Variants in TAB3 observed in about 807,000 individuals in gnomAD.
The protein encoded by TAB3 is TGF-beta-activated kinase 1 and MAP3K7-binding protein 3.
TAB3 carries 18 observed loss-of-function variants against 48.1 expected under a neutral mutation model. The ratio of observed to expected loss-of-function variants is 0.37; its 90% CI spans 0.26 to 0.55. The LOEUF (loss-of-function observed/expected upper bound fraction) is 0.55. Ranked by LOEUF, TAB3 falls within the 20% of genes least tolerant of loss-of-function variation. TAB3 has a pLI of 0.78. For synonymous variants in TAB3, 185 were observed against 190.2 expected (o/e 0.97, Z 0.22); for missense variants, 414 against 549.8 (o/e 0.75, Z 2.47).
At position 30,830,015 on chromosome X, in the gene TAB3, G is replaced by A. The variant is rs762423463; in HGVS notation, c.*1412C>T. The A allele has an allele frequency of 3.8e-4, 42 of 111,249 alleles. No homozygotes were observed. The highest frequency in any genetic ancestry group is 1.3e-3 in the African/African-American group (39 of 30,585). 9.2% of individuals were successfully genotyped at this position (111,249 alleles called of 1,213,427 possible). On this transcript the variant is annotated 3_prime_UTR_variant, in exon 11 of 11. Transcript: ENST00000288422. ...CAAAACTCCAATTCTGAGCTAAGAA[G>A]GAACTCCAACAATGGCAGAGACCTT...
chrX:30,887,341 C>T (rs922051689), intron 1 of TAB3, among the ~76,000 whole-genome samples: 4 of 111,736 alleles, frequency 3.6e-5, no homozygotes, highest in East Asian at 2.8e-4. Context: ...AATGTTACCT[C>T]TGGCTAGAAA....
intron 8 of TAB3, chrX:30,843,309 T>C (rs1045839126): frequency 1.0e-5 from 2 of 199,931 alleles, no homozygotes; most frequent in Admixed American, 7.5e-5. Flanking sequence ...GTAAGGCTAG[T>C]CTCCTTAGGC....
intron 5 of TAB3, among the ~76,000 whole-genome samples, chrX:30,856,794 A>G (rs1292164131): frequency 8.9e-6 from 1 of 111,772 alleles, no homozygotes; most frequent in Non-Finnish European, 1.9e-5. Flanking sequence ...CTCCAATTCA[A>G]CGCACATTTA....
At position 30,864,585 on chromosome X, in the gene TAB3, A is replaced by G. The variant is rs74426369; in HGVS notation, c.-91+2530T>C. On this transcript the variant is annotated intron_variant, in intron 4 of 10. Coordinates refer to ENST00000288422, the MANE Select transcript of TAB3 (RefSeq NM_152787.5). The stretch of plus-strand genomic sequence containing the variant: ...AATGCCACAATTCCCCACACTCTAG[A>G]AAATGATGTCGACATCTAGTGCTTT... Among the ~76,000 whole-genome samples the G allele has an allele frequency of 5.2e-4, 59 of 112,517 alleles. No individual in the cohort carries two copies. The East Asian group carries it at 0.013, about 25-fold the overall frequency.
chrX:30,873,387 C>T (rs1410578534), intron 1 of TAB3, among the ~76,000 whole-genome samples: 3 of 108,876 alleles, frequency 2.8e-5, no homozygotes, highest in African/African-American at 6.7e-5. Context: ...TAGCCGGGCG[C>T]AGTGGCGGGC....
chrX:30,887,080 T>C (rs1351691661), intron 1 of TAB3, among the ~76,000 whole-genome samples: 2 of 112,445 alleles, frequency 1.8e-5, no homozygotes, highest in African/African-American at 6.5e-5. Context: ...AGTACTCCAC[T>C]TGCTGGAGAA....
intron 7 of TAB3, among the ~76,000 whole-genome samples, chrX:30,850,218 T>C (rs1938787522): frequency 8.9e-6 from 1 of 111,819 alleles, no homozygotes; most frequent in South Asian, 3.8e-4. Flanking sequence ...GGCTTGGCAA[T>C]GGAAACACAT....
intron 8 of TAB3, 54 bp downstream of exon 8, chrX:30,846,497 C>T: frequency 1.1e-6 from 1 of 887,626 alleles, no homozygotes; most frequent in Non-Finnish European, 1.6e-6. Flanking sequence ...GCTATTTAAG[C>T]AGCTTAAAAT....
rs1939556792 is a variant in TAB3 at position 30,868,565 on chromosome X, GCTTATATATAT to G, written c.-279-1027_-279-1017del. On this transcript the variant is annotated intron_variant, in intron 2 of 10. Transcript: ENST00000288422. ...ATATATATATATATATATATATATA[GCTTATATATAT>G]ATATATATATAGAGAGAGAGAGAGA... is the stretch of plus-strand genomic sequence containing the variant. Among the ~76,000 whole-genome samples the G allele has an allele frequency of 2.0e-3, 24 of 11,808 alleles. 4 individuals carry two copies. Among genetic ancestry groups the G allele is most frequent in the African/African-American group, 0.012 (23 of 1,849 alleles). 10.3% of individuals were successfully genotyped at this position (11,808 alleles called of 115,157 possible).
chrX:30,871,468 A>G (rs751353031), intron 2 of TAB3, among the ~76,000 whole-genome samples: 2 of 111,929 alleles, frequency 1.8e-5, no homozygotes, highest in African/African-American at 6.5e-5. Flanking sequence ...TGAATTGTCC[A>G]AAGAACTTGT....
At chrX:30,883,055 T>G (rs1940037559) in intron 1 of TAB3, among the ~76,000 whole-genome samples, 1 of 112,031 alleles carries the variant, frequency 8.9e-6, no homozygotes, top group African/African-American at 3.2e-5. Context: ...AATGATGATC[T>G]CCATCAACAC....
chrX:30,881,791 A>G (rs1940006284), intron 1 of TAB3, among the ~76,000 whole-genome samples: 1 of 111,933 alleles, frequency 8.9e-6, no homozygotes, highest in Non-Finnish European at 1.9e-5. Context: ...AGGTCATAAG[A>G]AGCTCTGAAT....
At position 30,887,369 on chromosome X, in the gene TAB3, G is replaced by GA. The variant is rs59248674; in HGVS notation, c.-383+1744dup. ...GCTAGAAAATGGACGCATCTGAAAA[G>GA]AAAAAAAAACCTTGAGATTATCTGG... On this transcript the variant is annotated intron_variant, in intron 1 of 10. Coordinates refer to ENST00000288422, the MANE Select transcript of TAB3 (RefSeq NM_152787.5). Among the ~76,000 whole-genome samples, 703 of 109,464 alleles carry GA rather than the reference G, an allele frequency of 6.4e-3. 8 individuals carry two copies. Among genetic ancestry groups the GA allele is most frequent in the African/African-American group, 0.022 (660 of 30,104 alleles).
chrX:30,839,791 T>C (rs751290798), intron 9 of TAB3, among the ~76,000 whole-genome samples: 3 of 108,565 alleles, frequency 2.8e-5, no homozygotes, highest in African/African-American at 1.0e-4. Flanking sequence ...AGTTTAAGAT[T>C]GGTATTTTTA....
chrX:30,842,105 A>T (rs1197372836), intron 9 of TAB3, among the ~76,000 whole-genome samples: 1 of 112,904 alleles, frequency 8.9e-6, no homozygotes, highest in Non-Finnish European at 1.9e-5. Flanking sequence ...TTAATTTTTT[A>T]AGATACAGAA....
rs571590127 is a variant in TAB3 at position 30,850,445 on chromosome X, G to T, written c.1710+2333C>A. 5.4e-5 allele frequency among the ~76,000 whole-genome samples: 6 copies of T among 111,469 alleles called. No individual in the cohort carries two copies. In the South Asian group the frequency reaches 2.3e-3, roughly 42 times the overall value. Reference sequence around the variant, plus strand: ...GATAGATCGGGGGCCAGGTGCGGTGGCTCATGCCTGGAATCCCAGCACTTT... The same window carrying T: ...GATAGATCGGGGGCCAGGTGCGGTGTCTCATGCCTGGAATCCCAGCACTTT... On this transcript the variant is annotated intron_variant, in intron 7 of 10. Transcript: ENST00000288422.
At chrX:30,878,643 A>C (rs1939914217) in intron 1 of TAB3, among the ~76,000 whole-genome samples, 1 of 111,916 alleles carries the variant, frequency 8.9e-6, no homozygotes, top group African/African-American at 3.2e-5. Flanking sequence ...TGCTGTGTCC[A>C]GTAACTGCAG....
rs371775792 is a variant in TAB3, at chrX:30,854,903, T to G, written c.762A>C (p.Pro254=). ...GGCTATAGTGAGGCACTGGGCCCTG[T>G]GGTGAGGACTGCCACGGCGTACTCT... ...TPQSTPWQSS[P]QGPVPHYSQR... Residue 254 remains proline, a synonymous_variant, in exon 6 of 11, where the codon CCA becomes CCC. Coordinates refer to ENST00000288422, the MANE Select transcript of TAB3 (RefSeq NM_152787.5). 1 of 1,209,694 alleles carries G rather than the reference T, an allele frequency of 8.3e-7. No individual in the cohort carries two copies. The highest frequency in any genetic ancestry group is 1.1e-6 in the Non-Finnish European group (1 of 894,417).
At position 30,830,834 on chromosome X, in the gene TAB3, ATTTTGT is replaced by A. The variant is rs1156522219; in HGVS notation, c.*587_*592del. On this transcript the variant is annotated 3_prime_UTR_variant, in exon 11 of 11. Transcript: ENST00000288422. The stretch of plus-strand genomic sequence containing the variant: ...ACTGCTACAAATCACATTTTAAAAC[ATTTTGT>A]TTGTGTGCATGTATGTGTGTTGGAA... 2.9e-5 allele frequency: 3 copies of A among 105,121 alleles called. No homozygotes were observed. The highest frequency in any genetic ancestry group is 1.0e-4 in the African/African-American group (3 of 28,672). The allele number at this position is 105,121 out of a possible 1,213,427, so 8.7% of individuals were successfully genotyped here. A position where few individuals can be genotyped will look rare whatever the true frequency, so the allele number is the denominator to read the frequency against.
Sources: gnomAD v4.1 joint callset for allele counts (sites outside exome capture counted in the v4.1 genomes callset) on GRCh38, gnomAD v4.1.1 for gene constraint, MANE v1.5 for transcripts, NCBI Gene and HGNC (gene_info 2026-07-23, HGNC 2026-07-21) for gene names.